The following EBF1 variants were observed in gnomAD, a reference collection of about 807,000 sequenced individuals.
The protein encoded by EBF1 is EBF transcription factor 1.
EBF1 carries 10 observed loss-of-function variants against 68.4 expected under a neutral mutation model. The observed-to-expected ratio is 0.15, with a 90% CI of 0.09 to 0.25. EBF1 has a LOEUF of 0.25. Among genes scored for constraint, EBF1 ranks in the 10% least tolerant of loss-of-function variants. The pLI, the probability that EBF1 is intolerant of heterozygous loss-of-function variation, is 1.00. For missense variants in EBF1, 509 were observed against 794.4 expected, an observed-to-expected ratio of 0.64 and a Z score of 4.32; for synonymous variants, 298 against 299.8, an observed-to-expected ratio of 0.99 and a Z score of 0.06.
At chr5:158,879,658 CAT>C (rs1195471026) in intron 6 of EBF1, among the ~76,000 whole-genome samples, 1 of 152,084 alleles carries the variant, frequency 6.6e-6, no homozygotes, top group Non-Finnish European at 1.5e-5. Flanking sequence ...CACATGTATA[CAT>C]ATGTAAGAAA....
intron 2 of EBF1, 108 bp downstream of exon 2, chr5:159,096,866 G>C (rs775833723): frequency 2.7e-5 from 37 of 1,384,756 alleles, no homozygotes; most frequent in Non-Finnish European, 3.5e-5. Context: ...CCACATAGAA[G>C]TGTGTTATGG....
chr5:159,035,564 C>A (rs1030495497), intron 6 of EBF1, among the ~76,000 whole-genome samples: 1 of 152,188 alleles, frequency 6.6e-6, no homozygotes, highest in African/African-American at 2.4e-5. Context: ...GGATTCAAAT[C>A]CCAGTTTTTC....
intron 6 of EBF1, among the ~76,000 whole-genome samples, chr5:158,988,436 C>T (rs1451978422): frequency 6.6e-6 from 1 of 152,152 alleles, no homozygotes; most frequent in Non-Finnish European, 1.5e-5. Context: ...ACACCACAGC[C>T]CCAGAACTGC....
chr5:159,032,484 T>C (rs549579605), intron 6 of EBF1, among the ~76,000 whole-genome samples: 30 of 152,318 alleles, frequency 2.0e-4, no homozygotes, highest in Middle Eastern at 3.4e-3. Flanking sequence ...CCTTGGACTA[T>C]TACATAAAGC....
intron 6 of EBF1, among the ~76,000 whole-genome samples, chr5:159,046,541 G>A (rs138856537): frequency 6.6e-6 from 1 of 152,314 alleles, no homozygotes; most frequent in African/African-American, 2.4e-5. Flanking sequence ...TTCTCAAAGA[G>A]CACATTAAGT....
intron 6 of EBF1, among the ~76,000 whole-genome samples, chr5:159,022,685 G>GA (rs1375678484): frequency 6.6e-6 from 1 of 152,126 alleles, no homozygotes; most frequent in Non-Finnish European, 1.5e-5. Context: ...AAAAGGGACT[G>GA]AAAAAGGAGT....
At chr5:159,086,833 A>G (rs971132508) in intron 4 of EBF1, among the ~76,000 whole-genome samples, 4 of 152,106 alleles carry the variant, frequency 2.6e-5, no homozygotes. Flanking sequence ...TCAAATTTTC[A>G]TCCACTAGTT....
intron 6 of EBF1, among the ~76,000 whole-genome samples, chr5:158,995,288 G>T (rs557160699): frequency 4.6e-4 from 70 of 152,208 alleles, no homozygotes; most frequent in Non-Finnish European, 9.3e-4. Context: ...AAGTATTGGT[G>T]GTGTCTTCAT....
At chr5:158,782,079 A>T (rs1163135078) in intron 9 of EBF1, among the ~76,000 whole-genome samples, 1 of 152,172 alleles carries the variant, frequency 6.6e-6, no homozygotes, top group Non-Finnish European at 1.5e-5. Flanking sequence ...CCCTTGCCCA[A>T]CAGTTTTGCT....
At chr5:158,896,682 C>T (rs986498599) in intron 6 of EBF1, among the ~76,000 whole-genome samples, 7 of 152,180 alleles carry the variant, frequency 4.6e-5, no homozygotes, top group East Asian at 3.8e-4. Context: ...GATAAAGTCA[C>T]GTGGGTGGTT....
At position 158,743,291 on chromosome 5, in the gene EBF1, G is replaced by T. The variant is rs537039441; in HGVS notation, c.1037-12134C>A. Among the ~76,000 whole-genome samples the T allele has an allele frequency of 9.4e-4, 143 of 152,286 alleles. 1 individual carries two copies. The highest frequency in any genetic ancestry group is 3.3e-3 in the African/African-American group (137 of 41,556). On this transcript the variant is annotated intron_variant, in intron 10 of 15. Transcript: ENST00000313708. ...GAAAAGGACAGGAAAAGCATTCCAG[G>T]CAATAGGAACAGAAAGAGCAAAGGG...
At chr5:159,031,280 G>C (rs1044716096) in intron 6 of EBF1, among the ~76,000 whole-genome samples, 1 of 152,226 alleles carries the variant, frequency 6.6e-6, no homozygotes, top group Non-Finnish European at 1.5e-5. Flanking sequence ...ATTTATAAAA[G>C]AGGATCACCA....
intron 6 of EBF1, among the ~76,000 whole-genome samples, chr5:159,007,858 T>C (rs967407336): frequency 1.3e-5 from 2 of 152,144 alleles, no homozygotes; most frequent in African/African-American, 4.8e-5. Context: ...AAGTTAAGTA[T>C]CATGAGATAT....
chr5:158,727,077 T>C lies in EBF1; in HGVS notation c.1125+3992A>G, dbSNP rs190378967. Among the ~76,000 whole-genome samples, 14 of 152,342 alleles carry C rather than the reference T, an allele frequency of 9.2e-5. No homozygotes were observed. In the East Asian group the frequency reaches 2.3e-3, roughly 25 times the overall value. ...ACCTGAAGCATGGGAGGTTGAGTCA[T>C]GTGTACCAAGTAGGGGATCATGTTT... is the stretch of plus-strand genomic sequence containing the variant. On this transcript the variant is annotated intron_variant, in intron 11 of 15. Coordinates refer to ENST00000313708, the MANE Select transcript of EBF1 (RefSeq NM_024007.5).
chr5:158,989,434 T>C (rs549551667), intron 6 of EBF1, among the ~76,000 whole-genome samples: 1 of 152,318 alleles, frequency 6.6e-6, no homozygotes, highest in East Asian at 1.9e-4. Flanking sequence ...AAATGATGGA[T>C]ACGAGTGATG....
intron 6 of EBF1, among the ~76,000 whole-genome samples, chr5:158,989,799 A>G (rs1028992076): frequency 1.3e-5 from 2 of 152,206 alleles, no homozygotes; most frequent in Admixed American, 6.5e-5. Context: ...CTGACATGCT[A>G]TAACTCACTC....
intron 6 of EBF1, among the ~76,000 whole-genome samples, chr5:158,917,169 G>C (rs1391698817): frequency 1.3e-5 from 2 of 152,192 alleles, no homozygotes; most frequent in Non-Finnish European, 2.9e-5. Context: ...GATGTTCTTA[G>C]TTATTAAGCT....
intron 10 of EBF1, among the ~76,000 whole-genome samples, chr5:158,763,696 G>A (rs1331730479): frequency 6.6e-6 from 1 of 152,122 alleles, no homozygotes; most frequent in South Asian, 2.1e-4. Context: ...TTTATCAAAC[G>A]ACCATGGTGA....
intron 6 of EBF1, among the ~76,000 whole-genome samples, chr5:158,965,217 G>A (rs529212452): frequency 6.6e-6 from 1 of 152,292 alleles, no homozygotes; most frequent in Admixed American, 6.5e-5. Context: ...TTATACGGTG[G>A]TTTTCTAACT....
Sources: allele counts gnomAD v4.1 joint callset (sites outside exome capture counted in the v4.1 genomes callset), GRCh38; gene constraint gnomAD v4.1.1; transcripts MANE v1.5; gene names NCBI Gene and HGNC (gene_info 2026-07-23, HGNC 2026-07-21).